SLC30A8: variants seen among roughly 807,000 people sequenced by gnomAD.
The protein encoded by SLC30A8 is solute carrier family 30 member 8.
A neutral mutation model predicts 36.9 loss-of-function variants in SLC30A8; 27 were observed. That is an observed-to-expected ratio of 0.73 (90% CI 0.54 to 1.01). The LOEUF (loss-of-function observed/expected upper bound fraction) is 1.01, where lower values mean the gene tolerates loss of function less well. Ranked by LOEUF, SLC30A8 falls within the 50% of genes least tolerant of loss-of-function variation. The pLI is 0.00. For missense variants in SLC30A8, 439 were observed against 452.0 expected (o/e 0.97, Z 0.26); for synonymous variants, 164 against 172.4 (o/e 0.95, Z 0.38).
chr8:117,151,960 A>G (rs1427738554), intron 2 of SLC30A8, among the ~76,000 whole-genome samples: 1 of 152,204 alleles, frequency 6.6e-6, no homozygotes, highest in Non-Finnish European at 1.5e-5. Flanking sequence ...CCAGTTATTA[A>G]CTACGGCTAG....
chr8:116,992,800 TAA>T (rs1200618875), intron 1 of SLC30A8, among the ~76,000 whole-genome samples: 1 of 152,156 alleles, frequency 6.6e-6, no homozygotes, highest in Non-Finnish European at 1.5e-5. Flanking sequence ...ACAAAGCATA[TAA>T]AATAATTATT....
In SLC30A8 at chr8:116,977,129, T is replaced by C. The variant is rs530693612; in HGVS notation, c.-266+26010T>C. ...ACCGTGCCTGGCCTTTTCTTTCTTT[T>C]TCTTTTTCTTGCTTTTTTTTTTTTT... On this transcript the variant is annotated intron_variant, in intron 1 of 10. Transcript: ENST00000427715. Among the ~76,000 whole-genome samples, 114 of 131,032 alleles carry C rather than the reference T, an allele frequency of 8.7e-4. 1 individual carries two copies. Among genetic ancestry groups the C allele is most frequent in the Non-Finnish European group, 1.4e-3 (93 of 66,798 alleles). 86.0% of individuals were successfully genotyped at this position (131,032 alleles called of 152,430 possible).
intron 2 of SLC30A8, among the ~76,000 whole-genome samples, chr8:117,103,190 T>C (rs1563598484): frequency 6.6e-6 from 1 of 152,218 alleles, no homozygotes; most frequent in East Asian, 1.9e-4. Flanking sequence ...ACATTATCTA[T>C]GTCTAGAATA....
chr8:117,165,144 C>T (rs1367610850), intron 6 of SLC30A8, among the ~76,000 whole-genome samples: 1 of 152,196 alleles, frequency 6.6e-6, no homozygotes, highest in African/African-American at 2.4e-5. Flanking sequence ...AAATGCTAGT[C>T]ATGCAAGTTT....
intron 1 of SLC30A8, among the ~76,000 whole-genome samples, chr8:116,991,417 G>A (rs905781800): frequency 6.6e-6 from 1 of 151,902 alleles, no homozygotes. Flanking sequence ...CAATTCTCCT[G>A]CCTCAGCCTC....
intron 2 of SLC30A8, among the ~76,000 whole-genome samples, chr8:117,088,586 C>T (rs12676208): frequency 0.059 from 8,938 of 152,206 alleles, 303 homozygotes; most frequent in East Asian, 0.12. Context: ...TTGCAGCTGC[C>T]GAGGGGTGAG....
intron 2 of SLC30A8, among the ~76,000 whole-genome samples, chr8:117,091,433 G>A (rs1237064157): frequency 6.6e-6 from 1 of 152,004 alleles, no homozygotes; most frequent in East Asian, 1.9e-4. Context: ...AAATATCTGT[G>A]TGTTTCCCAG....
At chr8:117,019,332 C>T (rs576327076) in intron 1 of SLC30A8, among the ~76,000 whole-genome samples, 4 of 152,338 alleles carry the variant, frequency 2.6e-5, no homozygotes, top group African/African-American at 9.6e-5. Flanking sequence ...GATGTTTACT[C>T]CTCGTGATCA....
At chr8:117,140,983 GAAGA>G (rs2130949139) in intron 1 of SLC30A8, among the ~76,000 whole-genome samples, 1 of 152,106 alleles carries the variant, frequency 6.6e-6, no homozygotes, top group South Asian at 2.1e-4. Context: ...ATGAACTTAA[GAAGA>G]AATAGAAAAT....
chr8:117,166,549 T>C lies in SLC30A8; in HGVS notation c.829+3019T>C, dbSNP rs527839137. 6.6e-5 allele frequency among the ~76,000 whole-genome samples: 10 copies of C among 152,238 alleles called. No homozygotes were observed. The South Asian group carries it at 1.2e-3, about 19-fold the overall frequency. Reference sequence around the variant, plus strand: ...ACAATTCTTGAGTCAGTATATCTTATTGGGGAGTAGGAGGAGCAAGAATTT... The same window carrying C: ...ACAATTCTTGAGTCAGTATATCTTACTGGGGAGTAGGAGGAGCAAGAATTT... On this transcript the variant is annotated intron_variant, in intron 6 of 7. Coordinates refer to ENST00000456015, the MANE Select transcript of SLC30A8 (RefSeq NM_173851.3).
intron 1 of SLC30A8, among the ~76,000 whole-genome samples, chr8:117,022,608 CAAAA>C (rs1816736731): frequency 6.6e-6 from 1 of 152,100 alleles, no homozygotes; most frequent in Non-Finnish European, 1.5e-5. Flanking sequence ...ACAAACCTGA[CAAAA>C]ACAAGAAATG....
chr8:117,136,981 A>G (rs1449161160), intron 1 of SLC30A8, among the ~76,000 whole-genome samples: 1 of 152,150 alleles, frequency 6.6e-6, no homozygotes, highest in African/African-American at 2.4e-5. Flanking sequence ...CCATGTAGGA[A>G]ACTGAATGCC....
At chr8:117,137,319 C>T (rs191046978) in intron 1 of SLC30A8, among the ~76,000 whole-genome samples, 64 of 152,078 alleles carry the variant, frequency 4.2e-4, no homozygotes, top group Admixed American at 1.6e-3. Context: ...TCTCCTTCTA[C>T]CTCTTTTTCT....
At position 117,163,518 on chromosome 8, in the gene SLC30A8, T is replaced by G. The variant is rs1822899234; in HGVS notation, c.817T>G (p.Leu273Val). Residue 273 changes from leucine to valine, a missense_variant, in exon 6 of 8, where the codon TTA becomes GTA. Transcript: ENST00000456015. ...CACTATCTTAAAGGACTTCTCCATC[T>G]TACTCATGGAAGGTAGGAGTGATTT... ...TITILKDFSILLMEGVPKSLN... is the reference protein window; with the variant it reads ...TITILKDFSIVLMEGVPKSLN... The G allele has an allele frequency of 1.2e-5, 20 of 1,610,846 alleles. No individual in the cohort carries two copies. The highest frequency in any genetic ancestry group is 1.7e-5 in the Non-Finnish European group (20 of 1,177,656).
At chr8:117,022,581 C>G (rs1315499913) in intron 1 of SLC30A8, among the ~76,000 whole-genome samples, 9 of 152,174 alleles carry the variant, frequency 5.9e-5, no homozygotes, top group Non-Finnish European at 1.3e-4. Flanking sequence ...TGCATATCTA[C>G]AACCATCTGA....
rs1332425828 is a variant in SLC30A8, at chr8:117,163,503, A to G, written c.802A>G (p.Lys268Glu). ...CTTGGCCAGCACCATCACTATCTTA[A>G]AGGACTTCTCCATCTTACTCATGGA... ...LVLASTITIL[K>E]DFSILLMEGV... The change falls in exon 6 of 8, where the codon AAG becomes GAG. Residue 268 changes from lysine to glutamate, a missense_variant. Coordinates refer to ENST00000456015, the MANE Select transcript of SLC30A8 (RefSeq NM_173851.3). 1.2e-6 allele frequency: 2 copies of G among 1,613,092 alleles called. No individual in the cohort carries two copies. The highest frequency in any genetic ancestry group is 1.7e-6 in the Non-Finnish European group (2 of 1,179,522).
chr8:117,139,859 TAAAAAAAAAAAA>T (rs61537395), intron 1 of SLC30A8, among the ~76,000 whole-genome samples: 1 of 109,730 alleles, frequency 9.1e-6, no homozygotes, highest in Non-Finnish European at 1.9e-5. Context: ...CAACATCTGG[TAAAAAAAAAAAA>T]AAAAAAAGTA....
At chr8:117,050,701 T>A (rs1486994832) in intron 2 of SLC30A8, among the ~76,000 whole-genome samples, 2 of 152,182 alleles carry the variant, frequency 1.3e-5, no homozygotes, top group Non-Finnish European at 2.9e-5. Flanking sequence ...CCACCACGCC[T>A]GGCTGACTGA....
chr8:116,984,242 G>A (rs1815368117), intron 1 of SLC30A8, among the ~76,000 whole-genome samples: 1 of 151,918 alleles, frequency 6.6e-6, no homozygotes, highest in Non-Finnish European at 1.5e-5. Context: ...TCTAGTTTTT[G>A]TCTATTATTA....
Sources: allele counts gnomAD v4.1 joint callset (sites outside exome capture counted in the v4.1 genomes callset), GRCh38; gene constraint gnomAD v4.1.1; transcripts MANE v1.5; gene names NCBI Gene and HGNC (gene_info 2026-07-23, HGNC 2026-07-21).